Variants in RUFY4 observed in about 807,000 individuals in gnomAD.
RUFY4 encodes the protein RUN and FYVE domain containing 4.
RUFY4 carries 73 observed loss-of-function variants against 69.0 expected under a neutral mutation model. The ratio of observed to expected loss-of-function variants is 1.06; its 90% CI spans 0.88 to 1.29. The LOEUF (loss-of-function observed/expected upper bound fraction) is 1.29, where lower values mean the gene tolerates loss of function less well. Among genes scored for constraint, RUFY4 ranks in the 50% most tolerant of loss-of-function variants. The probability of loss-of-function intolerance (pLI) is 0.00; values close to 1 mark genes in which losing one functional copy is unlikely to be tolerated. For synonymous variants in RUFY4, 287 were observed against 271.8 expected, an observed-to-expected ratio of 1.06 and a Z score of -0.55; for missense variants, 770 against 705.6, an observed-to-expected ratio of 1.09 and a Z score of -1.03.
At chr2:218,075,163 T>C (rs1470077987) in exon 7 of RUFY4, 1 of 1,556,318 alleles carries the variant, frequency 6.4e-7, no homozygotes, top group Non-Finnish European at 8.7e-7. Flanking sequence ...GCCATCTGTC[T>C]GCAAGATGCA....
upstream of RUFY4, chr2:218,070,198 C>T: frequency 3.7e-6 from 1 of 269,944 alleles, no homozygotes. Flanking sequence ...GAACACAGGC[C>T]CTGTGGGCAC....
At chr2:218,048,553 G>A (rs1346960943) in intron 2 of RUFY4, among the ~76,000 whole-genome samples, 1 of 151,952 alleles carries the variant, frequency 6.6e-6, no homozygotes, top group Non-Finnish European at 1.5e-5. Flanking sequence ...GTTTTCCAGG[G>A]TTTTTATAGT....
At chr2:218,045,997 AG>A (rs1448558436) in intron 2 of RUFY4, among the ~76,000 whole-genome samples, 1 of 151,994 alleles carries the variant, frequency 6.6e-6, no homozygotes, top group Non-Finnish European at 1.5e-5. Flanking sequence ...TAGTAGAGAC[AG>A]GGTTTCATCG....
intron 2 of RUFY4, among the ~76,000 whole-genome samples, chr2:218,044,375 T>TTGTC (rs1295594018): frequency 6.6e-6 from 1 of 152,250 alleles, no homozygotes; most frequent in Non-Finnish European, 1.5e-5. Flanking sequence ...AGGTGCTTTA[T>TTGTC]TGTCTTTGTA....
intron 3 of RUFY4, 113 bp from the exon 6 acceptor site, chr2:218,072,666 A>C (rs1041945836): frequency 2.2e-5 from 29 of 1,293,518 alleles, no homozygotes; most frequent in Non-Finnish European, 2.8e-5. Flanking sequence ...CCATGGCCTC[A>C]GGTCCCCCTG....
intron 2 of RUFY4, among the ~76,000 whole-genome samples, chr2:218,044,041 G>A (rs780792243): frequency 9.2e-5 from 14 of 152,364 alleles, no homozygotes; most frequent in Non-Finnish European, 1.5e-4. Context: ...TGATCGGAGT[G>A]GGCACCGGGA....
At chr2:218,060,514 C>T (rs1689157048) in intron 3 of RUFY4, 2 of 1,309,228 alleles carry the variant, frequency 1.5e-6, no homozygotes, top group African/African-American at 2.8e-5. Flanking sequence ...GTGAAGGATG[C>T]CCAGAATCTC....
intron 5 of RUFY4, 92 bp downstream of exon 7, chr2:218,073,478 A>T (rs1234212731): frequency 1.5e-5 from 22 of 1,499,990 alleles, no homozygotes; most frequent in Non-Finnish European, 1.9e-5. Context: ...CTCAGCCTCC[A>T]GCCCCATCTG....
chr2:218,082,505 A>C lies in RUFY4; in HGVS notation c.1356-605A>C, dbSNP rs370631527. Among the ~76,000 whole-genome samples the C allele has an allele frequency of 1.8e-4, 28 of 152,336 alleles. No homozygotes were observed. In the South Asian group the frequency reaches 4.1e-3, roughly 23 times the overall value. On this transcript the variant is annotated intron_variant, in intron 8 of 10. Transcript: ENST00000344321. Reference sequence around the variant, plus strand: ...GGCTCATCCCCTCCCTCTAAAGGAAAACTCAAGGCAGGGCCCTGTTTTCAT... The same window carrying C: ...GGCTCATCCCCTCCCTCTAAAGGAACACTCAAGGCAGGGCCCTGTTTTCAT...
intron 2 of RUFY4, among the ~76,000 whole-genome samples, chr2:218,049,039 C>G (rs1688887709): frequency 6.6e-6 from 1 of 152,012 alleles, no homozygotes; most frequent in Non-Finnish European, 1.5e-5. Flanking sequence ...TTGCATTTGC[C>G]CTTGATTACA....
intron 2 of RUFY4, among the ~76,000 whole-genome samples, chr2:218,058,184 C>A (rs1399466052): frequency 6.6e-6 from 1 of 152,244 alleles, no homozygotes; most frequent in Non-Finnish European, 1.5e-5. Context: ...CAAAAGCCTG[C>A]ACTCCACTCT....
exon 7 of RUFY4, chr2:218,075,173 A>G (rs962077472): frequency 1.3e-6 from 2 of 1,556,858 alleles, no homozygotes; most frequent in Non-Finnish European, 1.7e-6. Context: ...TGCAAGATGC[A>G]CCCAGTGGAC....
intron 2 of RUFY4, among the ~76,000 whole-genome samples, chr2:218,048,421 C>A (rs1688877522): frequency 6.6e-6 from 1 of 152,162 alleles, no homozygotes; most frequent in African/African-American, 2.4e-5. Context: ...ATTTGCTGTG[C>A]AGAAACTCTT....
exon 7 of RUFY4, chr2:218,075,137 C>T (rs370732808): frequency 5.0e-5 from 78 of 1,552,116 alleles, no homozygotes; most frequent in Non-Finnish European, 6.5e-5. Flanking sequence ...AGATTGAGGA[C>T]TCACACACCA....
upstream of RUFY4, among the ~76,000 whole-genome samples, chr2:218,067,865 G>T (rs944353139): frequency 7.2e-5 from 11 of 152,200 alleles, no homozygotes; most frequent in African/African-American, 2.7e-4. Context: ...CCTCATCCGT[G>T]TCAAAGCTGG....
At chr2:218,072,331 G>A (rs956736325) in intron 2 of RUFY4, 43 bp from the exon 5 acceptor site, 1 of 1,533,248 alleles carries the variant, frequency 6.5e-7, no homozygotes, top group South Asian at 1.2e-5. Flanking sequence ...CGTGTTCTGG[G>A]AGGAAGCATT....
chr2:218,043,050 A>G (rs1410333063), intron 2 of RUFY4, among the ~76,000 whole-genome samples: 1 of 152,154 alleles, frequency 6.6e-6, no homozygotes, highest in Non-Finnish European at 1.5e-5. Context: ...TAGGCAGACA[A>G]GTGGAGGGTG....
At chr2:218,082,151 A>C (rs2106068065) in intron 8 of RUFY4, among the ~76,000 whole-genome samples, 1 of 152,378 alleles carries the variant, frequency 6.6e-6, no homozygotes, top group Middle Eastern at 3.4e-3. Context: ...ACCACTACAC[A>C]CAAAAAGAAA....
intron 6 of RUFY4, 95 bp downstream of exon 8, chr2:218,073,980 C>A: frequency 1.6e-6 from 2 of 1,239,020 alleles, no homozygotes; most frequent in South Asian, 1.2e-5. Context: ...TCCGAGTGTA[C>A]AGAGAGCCCT....
Sources: gnomAD v4.1 joint callset for allele counts (sites outside exome capture counted in the v4.1 genomes callset) on GRCh38, gnomAD v4.1.1 for gene constraint, MANE v1.5 for transcripts, NCBI Gene and HGNC (gene_info 2026-07-23, HGNC 2026-07-21) for gene names.